RGS7: variants seen among roughly 807,000 people sequenced by gnomAD.
RGS7 encodes the protein regulator of G protein signaling 7.
In RGS7, 27 loss-of-function variants were observed where a neutral mutation model predicts 81.1. That is an observed-to-expected ratio of 0.33 (90% CI 0.25 to 0.46). RGS7 has a LOEUF of 0.46. Ranked by LOEUF, RGS7 falls within the 20% of genes least tolerant of loss-of-function variation. The pLI is 1.00. For synonymous variants in RGS7, 208 were observed against 207.7 expected (o/e 1.00, Z -0.01); for missense variants, 396 against 607.4 (o/e 0.65, Z 3.66).
At chr1:241,025,424 G>A (rs1188952519) in intron 3 of RGS7, among the ~76,000 whole-genome samples, 2 of 152,100 alleles carry the variant, frequency 1.3e-5, no homozygotes, top group African/African-American at 4.8e-5. Context: ...TACAGCCAGG[G>A]AATATAAAAC....
chr1:240,878,914 T>C (rs920950294), intron 6 of RGS7, among the ~76,000 whole-genome samples: 2 of 152,248 alleles, frequency 1.3e-5, no homozygotes, highest in East Asian at 1.9e-4. Context: ...ACACAAGTTT[T>C]TTTTCTTTTT....
intron 2 of RGS7, among the ~76,000 whole-genome samples, chr1:241,179,422 T>C (rs1028260759): frequency 1.3e-5 from 2 of 152,178 alleles, no homozygotes; most frequent in Non-Finnish European, 2.9e-5. Context: ...GATAAAGTGA[T>C]TTAATCATTA....
chr1:240,808,705 G>T lies in RGS7; in HGVS notation c.1083-2379C>A, dbSNP rs145453694. Reference sequence around the variant, plus strand: ...TATTCTCACCATTACTGTAATTATTGTAATAGCTTAATAGCATGGAGGAGC... The same window carrying T: ...TATTCTCACCATTACTGTAATTATTTTAATAGCTTAATAGCATGGAGGAGC... On this transcript the variant is annotated intron_variant, in intron 14 of 18. Coordinates refer to ENST00000440928, the MANE Select transcript of RGS7 (RefSeq NM_001364886.1). Among the ~76,000 whole-genome samples the T allele has an allele frequency of 9.9e-3, 1,511 of 152,066 alleles. 23 individuals carry two copies. Among genetic ancestry groups the T allele is most frequent in the African/African-American group, 0.034 (1,431 of 41,492 alleles).
chr1:241,312,874 G>C (rs891316160), intron 2 of RGS7, among the ~76,000 whole-genome samples: 1 of 152,074 alleles, frequency 6.6e-6, no homozygotes, highest in African/African-American at 2.4e-5. Context: ...AAACGCAAAG[G>C]AAAAGTTATT....
At chr1:240,967,565 A>G (rs1682510048) in intron 4 of RGS7, among the ~76,000 whole-genome samples, 1 of 96,718 alleles carries the variant, frequency 1.0e-5, no homozygotes, top group East Asian at 3.0e-4. Context: ...TTGTGCCAAG[A>G]AGTGGGGGGG....
intron 6 of RGS7, among the ~76,000 whole-genome samples, chr1:240,884,362 A>G (rs1456572560): frequency 6.6e-6 from 1 of 152,162 alleles, no homozygotes; most frequent in East Asian, 1.9e-4. Context: ...CTTATCCTGT[A>G]TTTCCCCCAG....
chr1:240,863,487 T>TAAATAA (rs1276940863), intron 9 of RGS7, among the ~76,000 whole-genome samples: 5 of 152,034 alleles, frequency 3.3e-5, no homozygotes, highest in African/African-American at 4.8e-5. Context: ...AAAACATAAA[T>TAAATAA]AAATAAAAAT....
At chr1:241,090,489 GAA>G (rs960289033) in intron 3 of RGS7, among the ~76,000 whole-genome samples, 1 of 152,048 alleles carries the variant, frequency 6.6e-6, no homozygotes, top group African/African-American at 2.4e-5. Flanking sequence ...GGAGTTCAGA[GAA>G]AAGGTCTGAA....
intron 2 of RGS7, among the ~76,000 whole-genome samples, chr1:241,149,155 G>C (rs2068567387): frequency 6.6e-6 from 1 of 152,106 alleles, no homozygotes; most frequent in Admixed American, 6.5e-5. Context: ...TCTACAAGTA[G>C]AAAATGTGAG....
chr1:241,315,104 C>CTTG, intron 2 of RGS7, among the ~76,000 whole-genome samples: 1 of 34,146 alleles, frequency 2.9e-5, no homozygotes, highest in African/African-American at 1.2e-4. Context: ...TTTTCTTCTT[C>CTTG]TTCTTTTTTT....
At chr1:241,131,834 TA>T (rs1386786051) in intron 2 of RGS7, among the ~76,000 whole-genome samples, 1 of 152,124 alleles carries the variant, frequency 6.6e-6, no homozygotes, top group Non-Finnish European at 1.5e-5. Flanking sequence ...CTGCCCATAA[TA>T]AAATGCAGAG....
intron 3 of RGS7, among the ~76,000 whole-genome samples, chr1:241,069,164 A>G (rs2062276820): frequency 6.6e-6 from 1 of 152,248 alleles, no homozygotes; most frequent in Non-Finnish European, 1.5e-5. Context: ...AGAATGTCCT[A>G]TAGAGATGTG....
chr1:241,141,378 C>T lies in RGS7; in HGVS notation c.79-42616G>A, dbSNP rs1173281589. 2.0e-5 allele frequency among the ~76,000 whole-genome samples: 3 copies of T among 152,188 alleles called. No homozygotes were observed. In the East Asian group the frequency reaches 5.8e-4, roughly 29 times the overall value. On this transcript the variant is annotated intron_variant, in intron 2 of 18. Coordinates refer to ENST00000440928, the MANE Select transcript of RGS7 (RefSeq NM_001364886.1). ...CAAATGCCACACTCAAATGCAGATC[C>T]CTGGGCCACTACAGATTCACTGTAT...
rs1553305837 is a variant in RGS7 at position 241,273,184 on chromosome 1, C to CCG, written c.78+82514_78+82515insCG. The stretch of plus-strand genomic sequence containing the variant: ...AAGTAAATAATAATGAACCCCCCCC[C>CCG]CCAAAGGATACACTCCTTCTTCTCT... On this transcript the variant is annotated intron_variant, in intron 2 of 18. Coordinates refer to ENST00000440928, the MANE Select transcript of RGS7 (RefSeq NM_001364886.1). Among the ~76,000 whole-genome samples, 8 of 144,176 alleles carry CCG rather than the reference C, an allele frequency of 5.5e-5. 1 individual carries two copies. Among genetic ancestry groups the CCG allele is most frequent in the African/African-American group, 7.5e-5 (3 of 39,928 alleles). The allele number at this position is 144,176 out of a possible 152,430, so 94.6% of individuals were successfully genotyped here. A position where few individuals can be genotyped will look rare whatever the true frequency, so the allele number is the denominator to read the frequency against.
chr1:241,211,819 T>C (rs2074258697), intron 2 of RGS7, among the ~76,000 whole-genome samples: 1 of 152,228 alleles, frequency 6.6e-6, no homozygotes, highest in Non-Finnish European at 1.5e-5. Flanking sequence ...ATGGTCTGTC[T>C]CGATGCCTCA....
At chr1:241,067,011 C>A (rs1298990861) in intron 3 of RGS7, among the ~76,000 whole-genome samples, 1 of 152,118 alleles carries the variant, frequency 6.6e-6, no homozygotes, top group Non-Finnish European at 1.5e-5. Context: ...TTTGAATTTT[C>A]CAAAGGGCTT....
At chr1:241,286,477 C>T (rs1490464411) in intron 2 of RGS7, among the ~76,000 whole-genome samples, 1 of 152,050 alleles carries the variant, frequency 6.6e-6, no homozygotes, top group Non-Finnish European at 1.5e-5. Context: ...TTCCCACCCC[C>T]AAAAAAATGG....
intron 3 of RGS7, among the ~76,000 whole-genome samples, chr1:241,029,822 C>T (rs2059975739): frequency 6.6e-6 from 1 of 152,192 alleles, no homozygotes; most frequent in Non-Finnish European, 1.5e-5. Flanking sequence ...ATGTAAACAA[C>T]AGCTGCCAAA....
In RGS7 at chr1:240,868,571, T is replaced by C. The variant is rs139544051; in HGVS notation, c.609+16A>G. The C allele has an allele frequency of 1.9e-4, 314 of 1,612,520 alleles. No individual in the cohort carries two copies. In the African/African-American group the frequency reaches 3.6e-3, roughly 19 times the overall value. On this transcript the variant is annotated intron_variant, in intron 9 of 18. Transcript: ENST00000440928. The surrounding 1 kb of genome is among the most constrained non-coding windows in gnomAD (Gnocchi z 5.1). ...GGAGAAGATGGATTCAAGACGAGAG[T>C]GCGACGCTTGCTTACCACGGGCCTG... is the stretch of plus-strand genomic sequence containing the variant.
Sources: gnomAD v4.1 joint callset for allele counts (sites outside exome capture counted in the v4.1 genomes callset) on GRCh38, gnomAD v4.1.1 for gene constraint, Gnocchi (gnomAD v3.1) non-coding constraint, MANE v1.5 for transcripts, NCBI Gene and HGNC (gene_info 2026-07-23, HGNC 2026-07-21) for gene names.